OR3A2: variants seen among roughly 807,000 people sequenced by gnomAD.
The protein encoded by OR3A2 is olfactory receptor family 3 subfamily A member 2, also known as olfactory receptor 3A2.
For missense variants in OR3A2, 318 were observed against 392.8 expected, an observed-to-expected ratio of 0.81 and a Z score of 1.61; for synonymous variants, 126 against 159.3, an observed-to-expected ratio of 0.79 and a Z score of 1.57.
rs896323141 is a variant in OR3A2, at chr17:3,375,968, G to A, written c.-179+7836C>T. Among the ~76,000 whole-genome samples, 80 of 152,230 alleles carry A rather than the reference G, an allele frequency of 5.3e-4. 1 individual carries two copies. Among genetic ancestry groups the A allele is most frequent in the Non-Finnish European group, 2.2e-4 (15 of 68,044 alleles). ...ATGTGATCTGTCTTCAGGTCTCCCAGCAGTGGATACAAGTACCTGCTCTGG... is the reference window on the plus strand; with the variant it reads ...ATGTGATCTGTCTTCAGGTCTCCCAACAGTGGATACAAGTACCTGCTCTGG... On this transcript the variant is annotated intron_variant, in intron 2 of 4. Coordinates refer to the OR3A2 transcript ENST00000573491.
At chr17:3,375,233 TTTTTTTTTTTTTC>T (rs2049672498) in intron 2 of OR3A2, among the ~76,000 whole-genome samples, 1 of 75,046 alleles carries the variant, frequency 1.3e-5, no homozygotes, top group Non-Finnish European at 2.3e-5. Flanking sequence ...TTTTTTTCTT[TTTTTTTTTTTTTC>T]CCCCCCTTTT....
chr17:3,360,268 G>GT (rs142889029), intron 2 of OR3A2, among the ~76,000 whole-genome samples: 1 of 151,382 alleles, frequency 6.6e-6, no homozygotes, highest in Non-Finnish European at 1.5e-5. Flanking sequence ...TGATGGGGTT[G>GT]TTTTTTTCTT....
chr17:3,348,908 A>G (rs1214815640), intron 2 of OR3A2, among the ~76,000 whole-genome samples: 2 of 152,142 alleles, frequency 1.3e-5, no homozygotes, highest in African/African-American at 2.4e-5. Flanking sequence ...TTTTCAACCC[A>G]GAATTTCATA....
chr17:3,297,975 G>A (rs2048933157), intron 3 of OR3A2, among the ~76,000 whole-genome samples: 1 of 151,932 alleles, frequency 6.6e-6, no homozygotes, highest in African/African-American at 2.4e-5. Flanking sequence ...TTTCTTTGTT[G>A]TTCTTCTTTT....
chr17:3,330,272 ACTTT>A (rs1451627355), intron 3 of OR3A2, among the ~76,000 whole-genome samples: 2 of 150,734 alleles, frequency 1.3e-5, no homozygotes, highest in Non-Finnish European at 2.9e-5. Flanking sequence ...ATCCTTGTTG[ACTTT>A]CTGTCTCGTT....
upstream of OR3A2, among the ~76,000 whole-genome samples, chr17:3,288,278 AAAAG>A (rs1458466142): frequency 6.6e-6 from 1 of 151,612 alleles, no homozygotes; most frequent in Non-Finnish European, 1.5e-5. Flanking sequence ...CAAAAAAAGA[AAAAG>A]AAATCTGCAA....
In OR3A2 at chr17:3,311,224, A is replaced by C. The variant is rs762267079; in HGVS notation, c.-85+24809T>G. ...CTGCTGGACGTCGGGTGCATCAGTC[A>C]CTGTTCCTCCGATGCTGGCGTGTCT... On this transcript the variant is annotated intron_variant, in intron 3 of 4. Transcript: ENST00000573491. This position sits in a 1 kb window ranked among gnomAD's most constrained non-coding sequence, Gnocchi z 4.6. 3.7e-6 allele frequency: 2 copies of C among 536,286 alleles called. No individual in the cohort carries two copies. The highest frequency in any genetic ancestry group is 7.7e-6 in the Non-Finnish European group (2 of 261,204). The allele number at this position is 536,286 out of a possible 1,614,324, so 33.2% of individuals were successfully genotyped here.
chr17:3,356,690 A>AT (rs1197510956), intron 2 of OR3A2, among the ~76,000 whole-genome samples: 1 of 151,668 alleles, frequency 6.6e-6, no homozygotes, highest in East Asian at 1.9e-4. Context: ...TCACCAATCA[A>AT]TAGCCTTTGG....
intron 2 of OR3A2, among the ~76,000 whole-genome samples, chr17:3,383,255 T>C (rs1487154493): frequency 6.6e-6 from 1 of 152,138 alleles, no homozygotes; most frequent in East Asian, 1.9e-4. Context: ...TCAGCTGAGA[T>C]TAAGAAAAAG....
chr17:3,351,089 C>T (rs376778827), intron 2 of OR3A2, among the ~76,000 whole-genome samples: 22,893 of 151,168 alleles, frequency 0.15, 2,310 homozygotes, highest in African/African-American at 0.28. Flanking sequence ...ACTGAATGGG[C>T]AAAAGCTGGA....
chr17:3,331,272 A>G (rs1456748398), intron 3 of OR3A2, among the ~76,000 whole-genome samples: 1 of 151,964 alleles, frequency 6.6e-6, no homozygotes, highest in Non-Finnish European at 1.5e-5. Context: ...GCCTTGCTAG[A>G]TTGGGGAAGT....
intron 2 of OR3A2, among the ~76,000 whole-genome samples, chr17:3,348,008 T>G (rs1358711108): frequency 1.3e-5 from 2 of 152,220 alleles, no homozygotes; most frequent in African/African-American, 2.4e-5. Context: ...ATGGTGAGCA[T>G]TTTTTCATGT....
intron 2 of OR3A2, among the ~76,000 whole-genome samples, chr17:3,338,749 T>G (rs1191855436): frequency 6.6e-6 from 1 of 152,212 alleles, no homozygotes; most frequent in Admixed American, 6.5e-5. Context: ...CTCTTGGCAA[T>G]GCAGGCTCTT....
intron 2 of OR3A2, among the ~76,000 whole-genome samples, chr17:3,347,108 C>G (rs1049674539): frequency 1.3e-5 from 2 of 152,142 alleles, no homozygotes; most frequent in Admixed American, 6.5e-5. Flanking sequence ...TATTGAGGAA[C>G]CTCCAAGCTG....
chr17:3,296,649 C>T (rs1368166490), intron 3 of OR3A2, among the ~76,000 whole-genome samples: 3 of 152,144 alleles, frequency 2.0e-5, no homozygotes, highest in East Asian at 3.8e-4. Flanking sequence ...TACAAAGTCA[C>T]TTTACCCCAA....
chr17:3,373,647 A>T (rs2049653357), intron 2 of OR3A2, among the ~76,000 whole-genome samples: 1 of 151,920 alleles, frequency 6.6e-6, no homozygotes, highest in Non-Finnish European at 1.5e-5. Flanking sequence ...TGCATGGAAT[A>T]TTTTTTTCCA....
chr17:3,371,433 AC>A (rs1567570914), intron 2 of OR3A2, among the ~76,000 whole-genome samples: 1 of 114,818 alleles, frequency 8.7e-6, no homozygotes, highest in Non-Finnish European at 1.8e-5. Context: ...TGACCCCCCC[AC>A]CTCCCTCCCG....
At chr17:3,316,428 C>G (rs1274102404) in intron 3 of OR3A2, among the ~76,000 whole-genome samples, 1 of 152,178 alleles carries the variant, frequency 6.6e-6, no homozygotes, top group East Asian at 1.9e-4. Flanking sequence ...CACACACATC[C>G]CAACAATACC....
chr17:3,314,437 A>G (rs1050912841), intron 3 of OR3A2, among the ~76,000 whole-genome samples: 5 of 152,228 alleles, frequency 3.3e-5, no homozygotes, highest in African/African-American at 7.2e-5. Context: ...AAGAAGAGTG[A>G]ACGTATTGAC....
Sources: allele counts gnomAD v4.1 joint callset (sites outside exome capture counted in the v4.1 genomes callset), GRCh38; gene constraint gnomAD v4.1.1; non-coding constraint Gnocchi (gnomAD v3.1); transcripts MANE v1.5; gene names NCBI Gene and HGNC (gene_info 2026-07-23, HGNC 2026-07-21).